Variants in DARS1 observed in about 807,000 individuals in gnomAD.
DARS1 encodes aspartyl-tRNA synthetase 1.
DARS1 carries 51 observed loss-of-function variants against 68.8 expected under a neutral mutation model. That is an observed-to-expected ratio of 0.74 (90% CI 0.59 to 0.94). The LOEUF is 0.94. Among genes scored for constraint, DARS1 ranks in the 40% least tolerant of loss-of-function variants. The pLI, the probability that DARS1 is intolerant of heterozygous loss-of-function variation, is 0.00. For missense variants in DARS1, 607 were observed against 597.3 expected (o/e 1.02, Z -0.17); for synonymous variants, 203 against 190.4 (o/e 1.07, Z -0.55).
intron 4 of DARS1, among the ~76,000 whole-genome samples, chr2:135,948,872 G>A (rs1375947417): frequency 9.0e-5 from 11 of 121,902 alleles, no homozygotes; most frequent in South Asian, 3.3e-4. Context: ...TCCGTCTCCC[G>A]TCTCCAAAAA....
At chr2:135,939,462 G>A (rs1188781223) in intron 5 of DARS1, among the ~76,000 whole-genome samples, 2 of 152,310 alleles carry the variant, frequency 1.3e-5, no homozygotes, top group East Asian at 3.9e-4. Context: ...TGAAATCAAT[G>A]AGAACAAAGA....
In DARS1 at chr2:135,961,464, C is replaced by A; in HGVS notation, c.252G>T (p.Gln84His). Residue 84 changes from glutamine (Q) to histidine (H), a missense_variant, in exon 4 of 16, where the codon CAG (glutamine) becomes CAT (histidine). Physicochemically the swap from Gln to His is conservative, Grantham distance 24 (BLOSUM62 0). Transcript: ENST00000264161. ...CCGCCACAAGAGCCTGGACATTAAA[C>A]TGCTGCTGACGTAGGACTAAGAAGC... ...KQCFLVLRQQ[Q>H]FNVQALVAVG... 5 of 1,548,122 alleles carry A rather than the reference C, an allele frequency of 3.2e-6. No homozygotes were observed. The highest frequency in any genetic ancestry group is 4.5e-6 in the Non-Finnish European group (5 of 1,119,614).
chr2:135,973,457 G>A (rs949562602), intron 3 of DARS1, among the ~76,000 whole-genome samples: 7 of 149,660 alleles, frequency 4.7e-5, no homozygotes, highest in African/African-American at 1.5e-4. Context: ...GGGGGCCCTG[G>A]GAAAATTAAT....
intron 1 of DARS1, among the ~76,000 whole-genome samples, chr2:135,984,355 T>A (rs1052787479): frequency 6.6e-6 from 1 of 152,218 alleles, no homozygotes; most frequent in African/African-American, 2.4e-5. Context: ...TAACTTAAGA[T>A]CTGTATGAAA....
At chr2:135,941,999 A>G (rs919667851) in intron 5 of DARS1, among the ~76,000 whole-genome samples, 4 of 152,160 alleles carry the variant, frequency 2.6e-5, no homozygotes, top group Non-Finnish European at 5.9e-5. Flanking sequence ...AAAAGTCAGG[A>G]AACAACAGGT....
chr2:135,985,627 C>G (rs551225272), upstream of DARS1: 7 of 1,461,556 alleles, frequency 4.8e-6, 1 homozygote, highest in Admixed American at 1.2e-4. Flanking sequence ...CCAGAAAGAT[C>G]GCGAGAGCTG....
intron 1 of DARS1, 81 bp downstream of exon 1, chr2:135,985,322 C>T (rs1423947977): frequency 6.5e-7 from 1 of 1,536,298 alleles, no homozygotes; most frequent in Admixed American, 2.0e-5. Context: ...ACCTGTAGGG[C>T]CCCACTCCCC....
intron 3 of DARS1, among the ~76,000 whole-genome samples, chr2:135,969,386 A>G (rs995934250): frequency 6.6e-6 from 1 of 152,214 alleles, no homozygotes; most frequent in Non-Finnish European, 1.5e-5. Context: ...TGAATAATAA[A>G]AAAAAGAATG....
At chr2:135,915,631 G>A (rs778133734) in intron 11 of DARS1, among the ~76,000 whole-genome samples, 20 of 151,904 alleles carry the variant, frequency 1.3e-4, no homozygotes, top group Non-Finnish European at 2.6e-4. Flanking sequence ...ATTATAAGTC[G>A]TATGATCTAA....
At chr2:135,924,342 A>G in intron 8 of DARS1, 45 bp downstream of exon 8, 3 of 1,526,760 alleles carry the variant, frequency 2.0e-6, no homozygotes, top group Non-Finnish European at 1.7e-6. Flanking sequence ...CTCTGGGGAG[A>G]GCAAATTTAT....
At chr2:135,972,877 T>A (rs1318964193) in intron 3 of DARS1, among the ~76,000 whole-genome samples, 1 of 152,190 alleles carries the variant, frequency 6.6e-6, no homozygotes, top group Non-Finnish European at 1.5e-5. Flanking sequence ...CAATGAGGTA[T>A]CATCTCCTTT....
intron 5 of DARS1, among the ~76,000 whole-genome samples, chr2:135,938,852 G>A (rs956419333): frequency 2.6e-5 from 4 of 152,054 alleles, no homozygotes; most frequent in Non-Finnish European, 5.9e-5. Flanking sequence ...AAAAACAGGG[G>A]TTGCAACCCT....
intron 3 of DARS1, among the ~76,000 whole-genome samples, chr2:135,976,880 A>G (rs1682513504): frequency 6.6e-6 from 1 of 152,036 alleles, no homozygotes. Context: ...CACTTACGTG[A>G]TGCTTCATAC....
At chr2:135,936,918 T>C (rs1681483885) in intron 5 of DARS1, among the ~76,000 whole-genome samples, 1 of 152,210 alleles carries the variant, frequency 6.6e-6, no homozygotes, top group South Asian at 2.1e-4. Context: ...CATATGGTCA[T>C]GCATGTGCAC....
intron 2 of DARS1, among the ~76,000 whole-genome samples, chr2:135,980,944 C>T (rs1337094263): frequency 6.6e-6 from 1 of 152,200 alleles, no homozygotes; most frequent in Non-Finnish European, 1.5e-5. Flanking sequence ...CCATGCCATA[C>T]TCACATCACT....
intron 11 of DARS1, among the ~76,000 whole-genome samples, chr2:135,915,979 C>G (rs894536522): frequency 5.3e-5 from 8 of 152,038 alleles, no homozygotes; most frequent in African/African-American, 1.9e-4. Context: ...TATAAAAGAG[C>G]ATCATACTGT....
Position 135,911,465 on chromosome 2 carries a change from A to G in DARS1, c.1259T>C (p.Met420Thr). Reference protein sequence around the residue: ...PKQSNSYDMFMRGEEILSGAQ... With the variant: ...PKQSNSYDMFTRGEEILSGAQ... ...TCCTGACAATATTTCTTCTCCTCTC[A>G]TGAACATATCGTAAGAGTTGGACTG... is the stretch of plus-strand genomic sequence containing the variant. Residue 420 changes from methionine (M) to threonine (T), a missense_variant, in exon 14 of 16, where the codon ATG becomes ACG. Transcript: ENST00000264161. The G allele has an allele frequency of 9.7e-7, 1 of 1,035,386 alleles. No individual in the cohort carries two copies. Among genetic ancestry groups the G allele is most frequent in the Non-Finnish European group, 1.5e-6 (1 of 650,766 alleles). 64.1% of individuals were successfully genotyped at this position (1,035,386 alleles called of 1,614,324 possible). A position where few individuals can be genotyped will look rare whatever the true frequency, so the allele number is the denominator to read the frequency against.
At chr2:135,920,301 T>C in intron 10 of DARS1, 152 bp downstream of exon 10, 1 of 1,257,338 alleles carries the variant, frequency 8.0e-7, no homozygotes, top group South Asian at 1.8e-5. Context: ...GTGTAGATTT[T>C]TCCAACCAAT....
chr2:135,911,414 AG>A lies in DARS1; in HGVS notation c.1309del (p.Leu437CysfsTer2). On this transcript the variant is annotated frameshift_variant, in exon 14 of 16. Coordinates refer to ENST00000264161, the MANE Select transcript of DARS1 (RefSeq NM_001349.4). LOFTEE classifies it high-confidence loss of function. ...SGAQRIHDPQLLTERALHHGI... is the reference protein window; with the variant it reads ...SGAQRIHDPQXLTERALHHGI... The stretch of plus-strand genomic sequence containing the variant: ...ATGATGTAAAGCTCTCTCTGTTAGC[AG>A]TTGAGGATCATGTATTCTTTGAGCT... The A allele has an allele frequency of 9.8e-7, 1 of 1,022,918 alleles. No individual in the cohort carries two copies. The highest frequency in any genetic ancestry group is 2.4e-5 in the East Asian group (1 of 42,270). The allele number at this position is 1,022,918 out of a possible 1,614,324, so 63.4% of individuals were successfully genotyped here.
Sources: allele counts gnomAD v4.1 joint callset (sites outside exome capture counted in the v4.1 genomes callset), GRCh38; gene constraint gnomAD v4.1.1; transcripts MANE v1.5; gene names NCBI Gene and HGNC (gene_info 2026-07-23, HGNC 2026-07-21).